The following RAB10 variants were observed in gnomAD, a reference collection of about 807,000 sequenced individuals.
RAB10 encodes the protein ras-related protein Rab-10.
RAB10 carries 5 observed loss-of-function variants against 25.7 expected under a neutral mutation model. That is an observed-to-expected ratio of 0.19 (90% confidence interval 0.10 to 0.41). The LOEUF is 0.41. RAB10 is among the 10% of genes least tolerant of loss of function. RAB10 has a pLI of 1.00. For synonymous variants in RAB10, 89 were observed against 86.4 expected, an observed-to-expected ratio of 1.03 and a Z score of -0.16; for missense variants, 103 against 245.8, an observed-to-expected ratio of 0.42 and a Z score of 3.89.
intron 1 of RAB10, among the ~76,000 whole-genome samples, chr2:26,080,650 A>G (rs1322002494): frequency 6.6e-6 from 1 of 152,142 alleles, no homozygotes; most frequent in Non-Finnish European, 1.5e-5. Context: ...AACTACAGTC[A>G]CACACTACCA....
intron 1 of RAB10, among the ~76,000 whole-genome samples, chr2:26,096,769 C>T (rs1348537769): frequency 6.6e-6 from 1 of 152,182 alleles, no homozygotes; most frequent in African/African-American, 2.4e-5. Context: ...ATTGCTTTAG[C>T]TGTATCCTAC....
intron 1 of RAB10, among the ~76,000 whole-genome samples, chr2:26,035,741 A>G (rs560130164): frequency 1.1e-3 from 167 of 152,226 alleles, no homozygotes; most frequent in African/African-American, 3.8e-3. Flanking sequence ...ATGTACTTTT[A>G]TATTGAGAGG....
chr2:26,117,302 T>C (rs899350028), intron 3 of RAB10, among the ~76,000 whole-genome samples: 3 of 151,974 alleles, frequency 2.0e-5, no homozygotes, highest in Admixed American at 6.6e-5. Context: ...ACATAAATGA[T>C]CCCCTACTTA....
chr2:26,072,628 ACTC>A (rs1224975629), intron 1 of RAB10, among the ~76,000 whole-genome samples: 1 of 151,714 alleles, frequency 6.6e-6, no homozygotes, highest in Admixed American at 6.6e-5. Context: ...TTCTTAAAAT[ACTC>A]CTCCCTTTTC....
intron 3 of RAB10, among the ~76,000 whole-genome samples, chr2:26,112,794 A>T (rs1315846872): frequency 6.6e-6 from 1 of 152,030 alleles, no homozygotes; most frequent in African/African-American, 2.4e-5. Context: ...TAAAAAGAAA[A>T]TCTTGGCCAG....
At chr2:26,061,164 G>A (rs1355792407) in intron 1 of RAB10, among the ~76,000 whole-genome samples, 1 of 138,850 alleles carries the variant, frequency 7.2e-6, no homozygotes, top group East Asian at 2.1e-4. Context: ...ACCTGGGCTG[G>A]ATTGCAGTGG....
intron 2 of RAB10, 24 bp from the exon 3 acceptor site, chr2:26,109,744 G>T (rs1254541210): frequency 6.5e-7 from 1 of 1,526,898 alleles, no homozygotes; most frequent in Non-Finnish European, 8.7e-7. Context: ...ATGCTTAATA[G>T]AAATTATTGG....
At chr2:26,102,439 C>CTTTTTTTTTTTTT (rs562310195) in intron 2 of RAB10, among the ~76,000 whole-genome samples, 2 of 124,372 alleles carry the variant, frequency 1.6e-5, no homozygotes, top group African/African-American at 6.3e-5. Context: ...TTTTTTCTTT[C>CTTTTTTTTTTTTT]TTTTTTTTTT....
chr2:26,080,833 A>G (rs1666854001), intron 1 of RAB10, among the ~76,000 whole-genome samples: 1 of 152,176 alleles, frequency 6.6e-6, no homozygotes, highest in Admixed American at 6.5e-5. Context: ...TAAATTTGCA[A>G]TAGAGAGAAA....
intron 1 of RAB10, among the ~76,000 whole-genome samples, chr2:26,059,185 A>G (rs554169353): frequency 2.0e-5 from 3 of 152,362 alleles, no homozygotes; most frequent in African/African-American, 7.2e-5. Flanking sequence ...CCAGTTTGGA[A>G]ATCTGTACTT....
Position 26,136,248 on chromosome 2 carries a change from GGTT to G in RAB10, c.*1231_*1233del, listed in dbSNP as rs1440784712. 3 of 152,486 alleles carry G rather than the reference GGTT, an allele frequency of 2.0e-5. No homozygotes were observed. Among genetic ancestry groups the G allele is most frequent in the Non-Finnish European group, 4.4e-5 (3 of 68,024 alleles). The allele number at this position is 152,486 out of a possible 1,614,324, so 9.4% of individuals were successfully genotyped here. A position where few individuals can be genotyped will look rare whatever the true frequency, so the allele number is the denominator to read the frequency against. On this transcript the variant is annotated 3_prime_UTR_variant, in exon 6 of 6. Coordinates refer to ENST00000264710, the MANE Select transcript of RAB10 (RefSeq NM_016131.5). ...TCTAGCAGCTTGGTAGCCTAGTACA[GGTT>G]GTTTTTTTAAAAAAGGAAAAGCAGG...
intron 1 of RAB10, among the ~76,000 whole-genome samples, chr2:26,040,297 G>A (rs1285273921): frequency 1.3e-5 from 2 of 152,028 alleles, no homozygotes; most frequent in Admixed American, 1.3e-4. Flanking sequence ...GACTACAGGC[G>A]AGCACCATCG....
chr2:26,131,410 C>T (rs1055123404), intron 5 of RAB10, among the ~76,000 whole-genome samples: 4 of 152,166 alleles, frequency 2.6e-5, no homozygotes, highest in Non-Finnish European at 5.9e-5. Context: ...GGCCCAAATA[C>T]TAGGTAGCAA....
Position 26,053,558 on chromosome 2 carries a change from A to G in RAB10, c.127+18823A>G, listed in dbSNP as rs188649681. The stretch of plus-strand genomic sequence containing the variant: ...TATATATCATAGCATTTGGCATTGA[A>G]TAATAAGTTATCATTCTTGATTTTT... On this transcript the variant is annotated intron_variant, in intron 1 of 5. Transcript: ENST00000264710. Among the ~76,000 whole-genome samples, 7 of 152,308 alleles carry G rather than the reference A, an allele frequency of 4.6e-5. No individual in the cohort carries two copies. In the East Asian group the frequency reaches 1.3e-3, roughly 29 times the overall value.
chr2:26,034,356 A>G lies in RAB10; in HGVS notation c.-253A>G. On this transcript the variant is annotated 5_prime_UTR_variant, in exon 1 of 6. Coordinates refer to ENST00000264710, the MANE Select transcript of RAB10 (RefSeq NM_016131.5). The stretch of plus-strand genomic sequence containing the variant: ...GGGGAGGGGAGGCCATTTTGTCCCG[A>G]CCGACTCCCCGGAACCGGGCGGACG... 1.7e-6 allele frequency: 1 copy of G among 583,888 alleles called. No individual in the cohort carries two copies. Among genetic ancestry groups the G allele is most frequent in the East Asian group, 2.8e-5 (1 of 35,846 alleles). The allele number at this position is 583,888 out of a possible 1,614,324, so 36.2% of individuals were successfully genotyped here.
Position 26,034,603 on chromosome 2 carries a change from C to T in RAB10, c.-6C>T. Reference sequence around the variant, plus strand: ...CCGGCGGCGAGAGCCCGAGCCGCTCCTCCCAATGGCGAAGAAGACGTACGA... The same window carrying T: ...CCGGCGGCGAGAGCCCGAGCCGCTCTTCCCAATGGCGAAGAAGACGTACGA... On this transcript the variant is annotated 5_prime_UTR_variant, in exon 1 of 6. Transcript: ENST00000264710. 3 of 1,613,234 alleles carry T rather than the reference C, an allele frequency of 1.9e-6. No homozygotes were observed. Among genetic ancestry groups the T allele is most frequent in the Non-Finnish European group, 2.5e-6 (3 of 1,180,028 alleles).
chr2:26,045,237 A>G (rs1368324377), intron 1 of RAB10, among the ~76,000 whole-genome samples: 4 of 70,068 alleles, frequency 5.7e-5, no homozygotes, highest in African/African-American at 9.8e-5. Context: ...ATCTCTTTCA[A>G]CTTTTTTTTT....
intron 3 of RAB10, among the ~76,000 whole-genome samples, chr2:26,115,658 G>A (rs1410677123): frequency 6.6e-6 from 1 of 152,078 alleles, no homozygotes; most frequent in Non-Finnish European, 1.5e-5. Context: ...GTTAGTAGTG[G>A]TGATAGTTGA....
At chr2:26,108,125 C>G (rs1574555624) in intron 2 of RAB10, among the ~76,000 whole-genome samples, 1 of 152,156 alleles carries the variant, frequency 6.6e-6, no homozygotes, top group Non-Finnish European at 1.5e-5. Context: ...ATACACTTAC[C>G]ATATTACCCA....
Sources: allele counts gnomAD v4.1 joint callset (sites outside exome capture counted in the v4.1 genomes callset), GRCh38; gene constraint gnomAD v4.1.1; transcripts MANE v1.5; gene names NCBI Gene and HGNC (gene_info 2026-07-23, HGNC 2026-07-21).